The following VRK3 variants were observed in gnomAD, a reference collection of about 807,000 sequenced individuals.
The protein encoded by VRK3 is VRK serine/threonine kinase 3.
Under a neutral mutation model 60.4 loss-of-function variants are expected in VRK3, and 50 were observed. The ratio of observed to expected loss-of-function variants is 0.83; its 90% CI spans 0.66 to 1.05. VRK3 has a LOEUF of 1.05. Among genes scored for constraint, VRK3 ranks in the 50% least tolerant of loss-of-function variants. The pLI, the probability that VRK3 is intolerant of heterozygous loss-of-function variation, is 0.00. For synonymous variants in VRK3, 246 were observed against 227.8 expected, an observed-to-expected ratio of 1.08 and a Z score of -0.72; for missense variants, 549 against 585.3, an observed-to-expected ratio of 0.94 and a Z score of 0.64.
At chr19:49,991,278 A>C (rs1231653627) in intron 10 of VRK3, among the ~76,000 whole-genome samples, 1 of 152,192 alleles carries the variant, frequency 6.6e-6, no homozygotes, top group Non-Finnish European at 1.5e-5. Context: ...CAAGATGTGA[A>C]TAGAATAAAA....
intron 5 of VRK3, 71 bp downstream of exon 5, chr19:50,007,498 G>A: frequency 6.3e-7 from 1 of 1,589,962 alleles, no homozygotes; most frequent in Non-Finnish European, 8.6e-7. Context: ...CCCATTCTCA[G>A]AACGGGGTCC....
At chr19:49,987,508 C>T (rs866446516) in intron 12 of VRK3, among the ~76,000 whole-genome samples, 1 of 152,188 alleles carries the variant, frequency 6.6e-6, no homozygotes, top group Non-Finnish European at 1.5e-5. Context: ...CGCTGTCCAC[C>T]GGCTTTGGTG....
intron 12 of VRK3, among the ~76,000 whole-genome samples, chr19:49,984,292 G>GTA (rs1555841602): frequency 6.6e-6 from 1 of 152,166 alleles, no homozygotes. Context: ...CACTGAATGC[G>GTA]TAAGTGGAGA....
At chr19:50,000,980 T>C (rs2122273078) in intron 5 of VRK3, 126 bp from the exon 6 acceptor site, 2 of 790,808 alleles carry the variant, frequency 2.5e-6, no homozygotes, top group Middle Eastern at 3.6e-4. Context: ...AGCGCACTCT[T>C]GGCTCTCACG....
At chr19:49,983,769 G>A (rs2076464368) in intron 12 of VRK3, among the ~76,000 whole-genome samples, 1 of 152,196 alleles carries the variant, frequency 6.6e-6, no homozygotes, top group Non-Finnish European at 1.5e-5. Flanking sequence ...CCGTCCTAGC[G>A]CAGGGCACCT....
chr19:50,012,945 A>C (rs1410416322), intron 3 of VRK3, among the ~76,000 whole-genome samples: 1 of 151,926 alleles, frequency 6.6e-6, no homozygotes, highest in Non-Finnish European at 1.5e-5. Context: ...AGGCGGGTGG[A>C]TCATGAGGTC....
At chr19:49,979,779 C>T (rs2076391933) in intron 13 of VRK3, among the ~76,000 whole-genome samples, 1 of 152,092 alleles carries the variant, frequency 6.6e-6, no homozygotes, top group African/African-American at 2.4e-5. Flanking sequence ...CGCGGTGGCT[C>T]ACGCCTGTAA....
chr19:49,981,783 CACACACACAG>C (rs1221795033), intron 12 of VRK3: 2 of 1,046,790 alleles, frequency 1.9e-6, no homozygotes, highest in African/African-American at 3.5e-5. Context: ...CCGTCCCAAG[CACACACACAG>C]ACACACACAC....
chr19:49,982,362 A>C (rs895219915), intron 12 of VRK3, among the ~76,000 whole-genome samples: 1 of 152,164 alleles, frequency 6.6e-6, no homozygotes, highest in African/African-American at 2.4e-5. Context: ...GGGTCTCACT[A>C]TGTTGCCCAT....
chr19:50,021,752 G>A (rs28446996), intron 1 of VRK3, among the ~76,000 whole-genome samples: 7,962 of 152,272 alleles, frequency 0.052, 677 homozygotes, highest in African/African-American at 0.18. Flanking sequence ...TAGTAACCGG[G>A]ACAGGGAGTC....
At chr19:50,005,678 T>C (rs1484725790) in intron 5 of VRK3, among the ~76,000 whole-genome samples, 3 of 149,864 alleles carry the variant, frequency 2.0e-5, no homozygotes, top group Non-Finnish European at 4.4e-5. Context: ...TACAGCAGAA[T>C]ATCACGCAGC....
rs374219844 is a variant in VRK3 at position 49,977,599 on chromosome 19, G to A, written c.*12-815C>T. ...AGATGACAGAGTCAGACGCGACCCT[G>A]CCCTGGAGGAGCTGGCTGCCAGCAG... On this transcript the variant is annotated intron_variant, in intron 14 of 14. Transcript: ENST00000316763. Among the ~76,000 whole-genome samples, 15 of 152,270 alleles carry A rather than the reference G, an allele frequency of 9.9e-5. No homozygotes were observed. In the East Asian group the frequency reaches 2.3e-3, roughly 24 times the overall value.
intron 12 of VRK3, among the ~76,000 whole-genome samples, chr19:49,983,924 T>G (rs1007548205): frequency 6.6e-6 from 1 of 150,400 alleles, no homozygotes; most frequent in Non-Finnish European, 1.5e-5. Flanking sequence ...CCAGAGAGCA[T>G]TTTTGTGCGC....
At chr19:49,989,798 G>A in intron 10 of VRK3, 27 bp from the exon 11 acceptor site, 1 of 1,585,130 alleles carries the variant, frequency 6.3e-7, no homozygotes, top group Non-Finnish European at 8.6e-7. Flanking sequence ...AAGCCATACA[G>A]ATTGGAGGTT....
intron 3 of VRK3, among the ~76,000 whole-genome samples, chr19:50,014,502 T>C (rs995966193): frequency 2.0e-5 from 3 of 150,052 alleles, no homozygotes; most frequent in African/African-American, 7.4e-5. Context: ...GAGGTTGCAG[T>C]GAGCCGAGAT....
intron 6 of VRK3, chr19:50,000,580 A>G (rs1032100649): frequency 1.7e-6 from 1 of 600,048 alleles, no homozygotes; most frequent in Non-Finnish European, 3.0e-6. Context: ...CATCAGAGCC[A>G]GACTTGGGTG....
intron 5 of VRK3, among the ~76,000 whole-genome samples, chr19:50,001,857 C>T (rs367724388): frequency 4.6e-5 from 7 of 152,074 alleles, no homozygotes; most frequent in South Asian, 2.1e-4. Flanking sequence ...AGGCCTACCC[C>T]GAGACTGGCT....
chr19:50,020,758 T>C (rs184700508), intron 1 of VRK3, 111 bp from the exon 2 acceptor site: 2 of 152,336 alleles, frequency 1.3e-5, no homozygotes, highest in African/African-American at 2.4e-5. Flanking sequence ...GCCAAATCCA[T>C]TCGTTTATTC....
At chr19:49,994,207 C>T (rs950743479) in intron 9 of VRK3, among the ~76,000 whole-genome samples, 94 of 152,154 alleles carry the variant, frequency 6.2e-4, no homozygotes, top group African/African-American at 2.1e-3. Flanking sequence ...ACAGCAGGGG[C>T]CGCTTCTATT....
Sources: gnomAD v4.1 joint callset for allele counts (sites outside exome capture counted in the v4.1 genomes callset) on GRCh38, gnomAD v4.1.1 for gene constraint, MANE v1.5 for transcripts, NCBI Gene and HGNC (gene_info 2026-07-23, HGNC 2026-07-21) for gene names.